MALRD1: variants seen among roughly 807,000 people sequenced by gnomAD.
The protein encoded by MALRD1 is MAM and LDL-receptor class A domain-containing protein 1.
A neutral mutation model predicts 242.1 loss-of-function variants in MALRD1; 247 were observed. That is an observed-to-expected ratio of 1.02 (90% CI 0.92 to 1.13). The LOEUF is 1.13. Ranked by LOEUF, MALRD1 falls within the 50% of genes most tolerant of loss-of-function variation. The pLI, the probability that MALRD1 is intolerant of heterozygous loss-of-function variation, is 0.00. For missense variants in MALRD1, 2,989 were observed against 2,533.1 expected, an observed-to-expected ratio of 1.18 and a Z score of -3.86; for synonymous variants, 995 against 866.6, an observed-to-expected ratio of 1.15 and a Z score of -2.60.
intron 21 of MALRD1, among the ~76,000 whole-genome samples, chr10:19,284,411 C>T (rs1198867479): frequency 8.1e-6 from 1 of 123,588 alleles, no homozygotes; most frequent in Non-Finnish European, 1.7e-5. Flanking sequence ...CTCCCCCCAC[C>T]CCACCACAGT....
At chr10:19,152,647 G>A (rs1168563433) in intron 11 of MALRD1, among the ~76,000 whole-genome samples, 1 of 151,978 alleles carries the variant, frequency 6.6e-6, no homozygotes, top group East Asian at 1.9e-4. Context: ...GCTAAGATAA[G>A]ATAAGTAATT....
At chr10:19,216,903 G>A (rs1008305728) in intron 18 of MALRD1, among the ~76,000 whole-genome samples, 2 of 149,070 alleles carry the variant, frequency 1.3e-5, no homozygotes, top group South Asian at 2.1e-4. Context: ...CCAAGATCAC[G>A]CCACTGCACT....
chr10:19,304,947 A>G (rs1317135115), intron 21 of MALRD1, among the ~76,000 whole-genome samples: 2 of 151,702 alleles, frequency 1.3e-5, no homozygotes, highest in Non-Finnish European at 3.0e-5. Flanking sequence ...AGATGTTCAT[A>G]GAACCCTTCC....
At chr10:19,196,536 GT>G (rs34242301) in intron 14 of MALRD1, among the ~76,000 whole-genome samples, 51,863 of 138,968 alleles carry the variant, frequency 0.37, 11,214 homozygotes, top group African/African-American at 0.61. Flanking sequence ...ACCACTCTTT[GT>G]TTTTTTTTTT....
chr10:19,198,274 G>A (rs1836355445), intron 14 of MALRD1, among the ~76,000 whole-genome samples: 1 of 152,166 alleles, frequency 6.6e-6, no homozygotes, highest in East Asian at 1.9e-4. Flanking sequence ...TAATGGTATA[G>A]CAAATGTTGT....
chr10:19,426,471 A>G (rs1436189362), intron 28 of MALRD1, among the ~76,000 whole-genome samples: 1 of 152,150 alleles, frequency 6.6e-6, no homozygotes, highest in African/African-American at 2.4e-5. Context: ...TGATATATAT[A>G]TGTAATTTTT....
intron 29 of MALRD1, among the ~76,000 whole-genome samples, chr10:19,477,946 C>T (rs1173119539): frequency 1.1e-4 from 17 of 152,184 alleles, no homozygotes; most frequent in Non-Finnish European, 1.5e-5. Flanking sequence ...TGCCTGGCTC[C>T]CAAGTAACCC....
intron 36 of MALRD1, among the ~76,000 whole-genome samples, chr10:19,650,421 G>GA (rs1315698582): frequency 6.6e-6 from 1 of 152,126 alleles, no homozygotes; most frequent in African/African-American, 2.4e-5. Flanking sequence ...CATCTATAGA[G>GA]AAAAACAAAG....
intron 2 of MALRD1, among the ~76,000 whole-genome samples, chr10:19,079,664 A>G (rs560011038): frequency 3.3e-5 from 5 of 152,002 alleles, no homozygotes; most frequent in African/African-American, 1.2e-4. Flanking sequence ...CTCTGTTTTT[A>G]CGTGCAGAGA....
intron 32 of MALRD1, among the ~76,000 whole-genome samples, chr10:19,533,137 A>C (rs977650296): frequency 2.2e-4 from 33 of 152,204 alleles, no homozygotes; most frequent in Non-Finnish European, 3.4e-4. Flanking sequence ...CAATTCAAAA[A>C]GACCACCCCT....
intron 29 of MALRD1, among the ~76,000 whole-genome samples, chr10:19,451,629 C>G (rs141677396): frequency 2.0e-5 from 3 of 152,200 alleles, no homozygotes; most frequent in Non-Finnish European, 4.4e-5. Flanking sequence ...AACCTGAATG[C>G]TGTTTAATTT....
intron 33 of MALRD1, among the ~76,000 whole-genome samples, chr10:19,575,857 C>T (rs147143970): frequency 1.1e-3 from 173 of 152,266 alleles, no homozygotes; most frequent in African/African-American, 3.7e-3. Flanking sequence ...ATCTCTGTAA[C>T]GGCCACATAA....
intron 17 of MALRD1, among the ~76,000 whole-genome samples, chr10:19,205,496 C>T (rs902844094): frequency 6.6e-6 from 1 of 150,994 alleles, no homozygotes; most frequent in Non-Finnish European, 1.5e-5. Context: ...ACTACAGAGT[C>T]CCTGCCCTTG....
chr10:19,357,599 T>A (rs1844694590), intron 26 of MALRD1, among the ~76,000 whole-genome samples: 1 of 152,192 alleles, frequency 6.6e-6, no homozygotes, highest in Non-Finnish European at 1.5e-5. Context: ...AAAACATCTC[T>A]TATTTTTGAT....
At chr10:19,535,953 C>T (rs1834654834) in intron 32 of MALRD1, among the ~76,000 whole-genome samples, 1 of 152,150 alleles carries the variant, frequency 6.6e-6, no homozygotes, top group Non-Finnish European at 1.5e-5. Flanking sequence ...GATGAATTTT[C>T]AGAGGCAAGG....
intron 36 of MALRD1, among the ~76,000 whole-genome samples, chr10:19,624,508 T>G (rs115238223): frequency 0.016 from 2,434 of 152,260 alleles, 65 homozygotes; most frequent in African/African-American, 0.055. Flanking sequence ...GTGTTTGACA[T>G]GCCTATGGTC....
chr10:19,128,780 G>A (rs1837361428), intron 8 of MALRD1, among the ~76,000 whole-genome samples: 1 of 152,054 alleles, frequency 6.6e-6, no homozygotes. Flanking sequence ...TGTTTGGGTA[G>A]CAGTAGACAT....
intron 38 of MALRD1, among the ~76,000 whole-genome samples, chr10:19,702,419 G>A (rs1332963138): frequency 6.6e-6 from 1 of 152,126 alleles, no homozygotes; most frequent in African/African-American, 2.4e-5. Flanking sequence ...GTCAGGGTGA[G>A]TCACTCAGTA....
At position 19,331,382 on chromosome 10, in the gene MALRD1, C is replaced by A; in HGVS notation, c.3701C>A (p.Ala1234Asp). 1 of 1,550,128 alleles carries A rather than the reference C, an allele frequency of 6.5e-7. No homozygotes were observed. Among genetic ancestry groups the A allele is most frequent in the African/African-American group, 1.4e-5 (1 of 73,050 alleles). Residue 1234 changes from alanine to aspartate, a missense_variant, in exon 24 of 40, where the codon GCC (alanine) becomes GAC (aspartate). Ala to Asp is a moderately radical substitution (Grantham distance 126, BLOSUM62 -2). Transcript: ENST00000454679. Reference protein sequence around the residue: ...IRSHTQIVFRAKRGISYIGDV... With the variant: ...IRSHTQIVFRDKRGISYIGDV... The stretch of plus-strand genomic sequence containing the variant: ...TTTTTTTTTTAGATTGTCTTCAGAG[C>A]CAAACGTGGTATCAGTTACATAGGA...
Sources: allele counts gnomAD v4.1 joint callset (sites outside exome capture counted in the v4.1 genomes callset), GRCh38; gene constraint gnomAD v4.1.1; transcripts MANE v1.5; gene names NCBI Gene and HGNC (gene_info 2026-07-23, HGNC 2026-07-21).